Variants in KCNAB1 observed in about 807,000 individuals in gnomAD.
KCNAB1 encodes the protein potassium voltage-gated channel subfamily A regulatory beta subunit 1.
KCNAB1 carries 35 observed loss-of-function variants against 64.6 expected under a neutral mutation model. That is an observed-to-expected ratio of 0.54 (90% CI 0.41 to 0.72). The LOEUF is 0.72. Among genes scored for constraint, KCNAB1 ranks in the 30% least tolerant of loss-of-function variants. The pLI is 0.00. For missense variants in KCNAB1, 401 were observed against 512.9 expected (o/e 0.78, Z 2.11); for synonymous variants, 177 against 183.8 (o/e 0.96, Z 0.30).
At chr3:156,166,525 A>G (rs556087970) in intron 1 of KCNAB1, among the ~76,000 whole-genome samples, 1 of 145,144 alleles carries the variant, frequency 6.9e-6, no homozygotes, top group East Asian at 2.0e-4. Context: ...TAAAAAATAC[A>G]TATATACACA....
At chr3:156,257,262 G>A (rs1718150892) in intron 1 of KCNAB1, among the ~76,000 whole-genome samples, 2 of 152,128 alleles carry the variant, frequency 1.3e-5, no homozygotes, top group African/African-American at 4.8e-5. Flanking sequence ...TTGTGCTCCA[G>A]ACTTTAGTGA....
intron 1 of KCNAB1, among the ~76,000 whole-genome samples, chr3:156,121,781 T>C (rs9289961): frequency 0.53 from 79,965 of 152,074 alleles, 22,582 homozygotes; most frequent in East Asian, 0.7. Context: ...ACTCCTTTTG[T>C]AGAGACTGTA....
chr3:156,337,574 T>C (rs926803370), intron 1 of KCNAB1, among the ~76,000 whole-genome samples: 4 of 152,208 alleles, frequency 2.6e-5, no homozygotes, highest in African/African-American at 9.6e-5. Flanking sequence ...GTACATCCAT[T>C]CAGAGTGTGA....
intron 1 of KCNAB1, among the ~76,000 whole-genome samples, chr3:156,412,158 T>C (rs1714715103): frequency 6.6e-6 from 1 of 152,194 alleles, no homozygotes; most frequent in Non-Finnish European, 1.5e-5. Context: ...AGTATTACTC[T>C]TTTAAATTTT....
chr3:156,513,355 A>C (rs866281833), intron 8 of KCNAB1, among the ~76,000 whole-genome samples: 2 of 152,066 alleles, frequency 1.3e-5, no homozygotes, highest in Non-Finnish European at 2.9e-5. Context: ...AATAATAATA[A>C]AAAAATACAT....
chr3:156,331,439 A>G (rs1163482581), intron 1 of KCNAB1, among the ~76,000 whole-genome samples: 2 of 152,240 alleles, frequency 1.3e-5, no homozygotes, highest in African/African-American at 4.8e-5. Context: ...CAAAATGAGT[A>G]AAATAAAAAC....
intron 1 of KCNAB1, among the ~76,000 whole-genome samples, chr3:156,298,573 A>C (rs546483551): frequency 1.3e-5 from 2 of 152,366 alleles, no homozygotes; most frequent in African/African-American, 4.8e-5. Context: ...TTTGATTTTT[A>C]AAATTCCTTT....
intron 8 of KCNAB1, among the ~76,000 whole-genome samples, chr3:156,512,393 G>A (rs1717270290): frequency 6.6e-6 from 1 of 152,256 alleles, no homozygotes; most frequent in Non-Finnish European, 1.5e-5. Flanking sequence ...TGTCTTACTT[G>A]ATGGCAGAGA....
At chr3:156,477,154 C>T (rs1349068229) in intron 8 of KCNAB1, among the ~76,000 whole-genome samples, 3 of 152,150 alleles carry the variant, frequency 2.0e-5, no homozygotes, top group Admixed American at 1.3e-4. Flanking sequence ...ATATTTATTA[C>T]ATGTTGAAAT....
At chr3:156,335,819 A>G (rs780610765) in intron 1 of KCNAB1, among the ~76,000 whole-genome samples, 11 of 151,466 alleles carry the variant, frequency 7.3e-5, no homozygotes, top group Non-Finnish European at 1.2e-4. Context: ...AAACAGTGCT[A>G]ACTGTCAAAG....
At chr3:156,237,894 G>A (rs527542282) in intron 1 of KCNAB1, among the ~76,000 whole-genome samples, 7 of 152,262 alleles carry the variant, frequency 4.6e-5, no homozygotes, top group African/African-American at 1.2e-4. Flanking sequence ...AACCAGGGCC[G>A]TTTCTGTCCT....
chr3:156,511,934 C>G (rs1717240378), intron 8 of KCNAB1, among the ~76,000 whole-genome samples: 1 of 152,240 alleles, frequency 6.6e-6, no homozygotes, highest in Non-Finnish European at 1.5e-5. Context: ...TCTGTCCTTC[C>G]TCAGGGCCTA....
intron 2 of KCNAB1, among the ~76,000 whole-genome samples, chr3:156,439,029 CAAA>C (rs34019255): frequency 2.7e-5 from 4 of 148,992 alleles, no homozygotes; most frequent in African/African-American, 7.4e-5. Flanking sequence ...AAACAAAAAA[CAAA>C]AAAAAAAAAC....
intron 1 of KCNAB1, among the ~76,000 whole-genome samples, chr3:156,377,215 A>T (rs961835048): frequency 5.3e-5 from 8 of 152,164 alleles, no homozygotes; most frequent in Admixed American, 1.3e-4. Flanking sequence ...TCTGAAAAAA[A>T]ATTCTCAAAA....
chr3:156,288,330 G>A (rs1465774297), intron 1 of KCNAB1, among the ~76,000 whole-genome samples: 1 of 152,100 alleles, frequency 6.6e-6, no homozygotes, highest in East Asian at 1.9e-4. Context: ...GAATTTGGAG[G>A]GAGCACAAGC....
At chr3:156,383,387 T>C (rs1004921046) in intron 1 of KCNAB1, among the ~76,000 whole-genome samples, 1 of 152,170 alleles carries the variant, frequency 6.6e-6, no homozygotes, top group Non-Finnish European at 1.5e-5. Context: ...CCTTAAAATT[T>C]TGCTTGCCTG....
rs775004168 is a variant in KCNAB1 at position 156,120,846 on chromosome 3, A to G, written c.235A>G (p.Ser79Gly). 1 of 1,614,206 alleles carries G rather than the reference A, an allele frequency of 6.2e-7. No homozygotes were observed. Among genetic ancestry groups the G allele is most frequent in the East Asian group, 2.2e-5 (1 of 44,880 alleles). The change falls in exon 1 of 14, where the codon AGC becomes GGC. Residue 79 changes from serine (S) to glycine (G), a missense_variant. Ser to Gly is a moderately conservative substitution (Grantham distance 56). Coordinates refer to ENST00000490337, the MANE Select transcript of KCNAB1 (RefSeq NM_172160.3). ...GTACCTAAAGCTCTGCGACCTGTCC[A>G]GCGAGCACACCACCGTCTGCACCAC... ...NWYLKLCDLS[S>G]EHTTVCTTGM...
At chr3:156,524,852 C>T (rs532355675) in intron 12 of KCNAB1, among the ~76,000 whole-genome samples, 2 of 150,074 alleles carry the variant, frequency 1.3e-5, no homozygotes, top group African/African-American at 2.5e-5. Flanking sequence ...TCTCAGTCAA[C>T]GACGGACAAC....
chr3:156,342,438 CCCA>C, intron 1 of KCNAB1, among the ~76,000 whole-genome samples: 1 of 152,082 alleles, frequency 6.6e-6, no homozygotes, highest in African/African-American at 2.4e-5. Flanking sequence ...CCATATAGTT[CCCA>C]ATACAAAGTT....
Sources: gnomAD v4.1 joint callset for allele counts (sites outside exome capture counted in the v4.1 genomes callset) on GRCh38, gnomAD v4.1.1 for gene constraint, MANE v1.5 for transcripts, NCBI Gene and HGNC (gene_info 2026-07-23, HGNC 2026-07-21) for gene names.